FYN: variants seen among roughly 807,000 people sequenced by gnomAD.
The protein encoded by FYN is FYN proto-oncogene, Src family tyrosine kinase.
Under a neutral mutation model 70.2 loss-of-function variants are expected in FYN, and 10 were observed. That is an observed-to-expected ratio of 0.14 (90% CI 0.09 to 0.24). The LOEUF is 0.24. FYN is among the 10% of genes least tolerant of loss of function. The probability of loss-of-function intolerance (pLI) is 1.00; values close to 1 mark genes in which losing one functional copy is unlikely to be tolerated. For missense variants in FYN, 319 were observed against 673.1 expected, an observed-to-expected ratio of 0.47 and a Z score of 5.82; for synonymous variants, 236 against 248.6, an observed-to-expected ratio of 0.95 and a Z score of 0.48.
At chr6:111,686,223 C>T (rs764752888) in intron 12 of FYN, among the ~76,000 whole-genome samples, 5 of 152,102 alleles carry the variant, frequency 3.3e-5, no homozygotes, top group East Asian at 1.9e-4. Flanking sequence ...TAAACAAAGC[C>T]GTCCCTCCCA....
At chr6:111,734,135 A>C (rs1764640469) in intron 3 of FYN, among the ~76,000 whole-genome samples, 1 of 152,148 alleles carries the variant, frequency 6.6e-6, no homozygotes, top group Admixed American at 6.5e-5. Flanking sequence ...TGTGAGCTTC[A>C]ACAAGGAGCC....
chr6:111,674,353 C>T (rs750954782), intron 13 of FYN, 146 bp downstream of exon 13: 8 of 848,642 alleles, frequency 9.4e-6, no homozygotes, highest in South Asian at 3.8e-5. Context: ...GCTTTTCTCT[C>T]GCTGAATACC....
intron 5 of FYN, chr6:111,708,331 T>C (rs706871): frequency 0.058 from 17,774 of 305,752 alleles, 2,384 homozygotes; most frequent in African/African-American, 0.31. Context: ...CTTGGATGGA[T>C]GGAAAAGGAA....
At chr6:111,740,072 C>T (rs1258196720) in intron 3 of FYN, among the ~76,000 whole-genome samples, 5 of 148,242 alleles carry the variant, frequency 3.4e-5, no homozygotes, top group Non-Finnish European at 6.0e-5. Context: ...TCCACCCACT[C>T]GGTCTCCCAA....
chr6:111,864,442 C>T (rs1292072594), intron 1 of FYN, among the ~76,000 whole-genome samples: 1 of 152,150 alleles, frequency 6.6e-6, no homozygotes, highest in African/African-American at 2.4e-5. Flanking sequence ...GTTGACAAAT[C>T]AATCATAAAA....
At chr6:111,865,356 T>G (rs1439972892) in intron 1 of FYN, among the ~76,000 whole-genome samples, 1 of 152,124 alleles carries the variant, frequency 6.6e-6, no homozygotes, top group East Asian at 1.9e-4. Flanking sequence ...CTGAGACAAA[T>G]GGGAAAGCGC....
At chr6:111,707,880 T>TAG in intron 6 of FYN, 42 bp downstream of exon 6, 1 of 1,474,382 alleles carries the variant, frequency 6.8e-7, no homozygotes, top group Non-Finnish European at 9.5e-7. Flanking sequence ...GGCAATCAAC[T>TAG]TTTAAAATCA....
intron 2 of FYN, among the ~76,000 whole-genome samples, chr6:111,788,780 G>A (rs1771498047): frequency 6.6e-6 from 1 of 152,168 alleles, no homozygotes; most frequent in African/African-American, 2.4e-5. Flanking sequence ...CAATTGCCAG[G>A]GAGGAGGATG....
rs549188383 is a variant in FYN at position 111,681,534 on chromosome 6, T to C, written c.1274-6904A>G. The stretch of plus-strand genomic sequence containing the variant: ...TTTACTATAACCTGTGTCCTGCACT[T>C]AGCATGCTCACACTTGTTTCTTTTA... On this transcript the variant is annotated intron_variant, in intron 12 of 13. Coordinates refer to ENST00000354650, the MANE Select transcript of FYN (RefSeq NM_002037.5). Among the ~76,000 whole-genome samples, 5 of 152,298 alleles carry C rather than the reference T, an allele frequency of 3.3e-5. No individual in the cohort carries two copies. In the South Asian group the frequency reaches 1.0e-3, roughly 32 times the overall value.
chr6:111,769,737 A>C (rs112331295), intron 3 of FYN, among the ~76,000 whole-genome samples: 396 of 152,292 alleles, frequency 2.6e-3, no homozygotes, highest in African/African-American at 7.7e-3. Context: ...ATTAAAAAAA[A>C]ACACACACAC....
At chr6:111,692,111 C>A (rs963733028) in intron 12 of FYN, among the ~76,000 whole-genome samples, 1 of 149,946 alleles carries the variant, frequency 6.7e-6, no homozygotes, top group Non-Finnish European at 1.5e-5. Context: ...TCCCCCCCCC[C>A]CAGTTCAGCT....
At chr6:111,771,036 T>C (rs1803432700) in intron 3 of FYN, among the ~76,000 whole-genome samples, 1 of 152,172 alleles carries the variant, frequency 6.6e-6, no homozygotes, top group African/African-American at 2.4e-5. Context: ...TCTTGCATGA[T>C]GAAGTAAGTC....
chr6:111,701,273 G>T (rs1799821564), intron 8 of FYN, among the ~76,000 whole-genome samples: 1 of 152,092 alleles, frequency 6.6e-6, no homozygotes, highest in Non-Finnish European at 1.5e-5. Flanking sequence ...GGCGAAAAAA[G>T]GTAACAAAGA....
At chr6:111,826,162 T>C (rs898805290) in intron 2 of FYN, among the ~76,000 whole-genome samples, 2 of 152,168 alleles carry the variant, frequency 1.3e-5, no homozygotes, top group Non-Finnish European at 2.9e-5. Context: ...CCTGATTCAC[T>C]GGGATTTCTG....
intron 1 of FYN, among the ~76,000 whole-genome samples, chr6:111,852,102 T>C (rs567192187): frequency 1.3e-5 from 2 of 152,286 alleles, no homozygotes; most frequent in East Asian, 1.9e-4. Context: ...AAATAGGAAA[T>C]TGACTATCTG....
intron 9 of FYN, chr6:111,699,372 C>T (rs2128441865): frequency 3.5e-6 from 3 of 857,122 alleles, no homozygotes; most frequent in South Asian, 3.7e-5. Flanking sequence ...TCAGCATATT[C>T]TGAAAATCTG....
intron 3 of FYN, among the ~76,000 whole-genome samples, chr6:111,736,099 C>G (rs1801697050): frequency 6.6e-6 from 1 of 152,140 alleles, no homozygotes; most frequent in Non-Finnish European, 1.5e-5. Context: ...GGGCATGTAA[C>G]AAGTAGAATC....
intron 2 of FYN, among the ~76,000 whole-genome samples, chr6:111,788,135 T>C (rs894756672): frequency 3.8e-4 from 58 of 152,162 alleles, no homozygotes; most frequent in African/African-American, 1.4e-3. Flanking sequence ...TCCCTGAAGT[T>C]CTTGCCCAGT....
chr6:111,839,154 T>C (rs1773277682), intron 2 of FYN, among the ~76,000 whole-genome samples: 1 of 152,200 alleles, frequency 6.6e-6, no homozygotes, highest in Non-Finnish European at 1.5e-5. Context: ...TCTGTCCATC[T>C]AGACAGCCAC....
Sources: allele counts gnomAD v4.1 joint callset (sites outside exome capture counted in the v4.1 genomes callset), GRCh38; gene constraint gnomAD v4.1.1; transcripts MANE v1.5; gene names NCBI Gene and HGNC (gene_info 2026-07-23, HGNC 2026-07-21).